Variants in GRIK3 observed in about 807,000 individuals in gnomAD.
GRIK3 encodes glutamate ionotropic receptor kainate type subunit 3, also known as glutamate receptor ionotropic, kainate 3.
A neutral mutation model predicts 102.5 loss-of-function variants in GRIK3; 29 were observed. The ratio of observed to expected loss-of-function variants is 0.28; its 90% CI spans 0.21 to 0.39. The LOEUF is 0.39. GRIK3 is among the 10% of genes least tolerant of loss of function. GRIK3 has a pLI of 1.00. For missense variants in GRIK3, 908 were observed against 1,252.4 expected (o/e 0.73, Z 4.15); for synonymous variants, 511 against 504.9 (o/e 1.01, Z -0.16).
chr1:36,815,841 C>T (rs897086822), intron 13 of GRIK3, among the ~76,000 whole-genome samples: 1 of 151,978 alleles, frequency 6.6e-6, no homozygotes, highest in African/African-American at 2.4e-5. Context: ...CTCACTGCAA[C>T]CTCTGCCTCC....
At chr1:36,951,410 G>T (rs1557437688) in intron 1 of GRIK3, among the ~76,000 whole-genome samples, 1 of 152,198 alleles carries the variant, frequency 6.6e-6, no homozygotes, top group Admixed American at 6.5e-5. Context: ...GGGGTCTTTT[G>T]TTTCTCCTTC....
intron 1 of GRIK3, among the ~76,000 whole-genome samples, chr1:37,020,744 A>G (rs1642701732): frequency 6.8e-6 from 1 of 146,600 alleles, no homozygotes. Flanking sequence ...CCAGAGTTCT[A>G]AAGGAATAGC....
chr1:36,796,276 G>A lies in GRIK3; in HGVS notation c.*5575C>T, dbSNP rs1642364073. Reference sequence around the variant, plus strand: ...AGGGACAGAGATCTGCAGCCTCCTGGGGAGGGGGCACTCTGCCAACTGCCC... The same window carrying A: ...AGGGACAGAGATCTGCAGCCTCCTGAGGAGGGGGCACTCTGCCAACTGCCC... On this transcript the variant is annotated 3_prime_UTR_variant, in exon 16 of 16. Coordinates refer to ENST00000373091, the MANE Select transcript of GRIK3 (RefSeq NM_000831.4). The A allele has an allele frequency of 6.6e-6, 1 of 152,436 alleles. No individual in the cohort carries two copies. The highest frequency in any genetic ancestry group is 2.4e-5 in the African/African-American group (1 of 41,462). The allele number at this position is 152,436 out of a possible 1,614,324, so 9.4% of individuals were successfully genotyped here.
At chr1:36,980,473 T>C (rs1642237819) in intron 1 of GRIK3, among the ~76,000 whole-genome samples, 1 of 151,652 alleles carries the variant, frequency 6.6e-6, no homozygotes, top group Admixed American at 6.6e-5. Context: ...GCCACTTGCC[T>C]CCTTGGCTAC....
At chr1:36,905,405 A>G (rs543380) in intron 1 of GRIK3, among the ~76,000 whole-genome samples, 8,223 of 152,064 alleles carry the variant, frequency 0.054, 476 homozygotes, top group African/African-American at 0.14. Flanking sequence ...AGTTCTTTCT[A>G]GAAAGTAAAA....
chr1:37,008,574 A>G (rs770793902), intron 1 of GRIK3, among the ~76,000 whole-genome samples: 4 of 152,212 alleles, frequency 2.6e-5, no homozygotes, highest in Non-Finnish European at 5.9e-5. Flanking sequence ...ACTTTGCCAC[A>G]TCTTCCTGGC....
rs200669770 is a variant in GRIK3, at chr1:36,890,930, C to T, written c.282G>A (p.Ala94=). The part of the protein sequence containing the change: ...QRIHFHDSFE[A]TKKACDQLAL... ...GAGCTGCACACTCACCCTTTTTGGT[C>T]GCCTCGAAGCTGTCATGGAAGTGAA... Residue 94 remains alanine, a synonymous_variant, in exon 2 of 16, where the codon GCG becomes GCA. Coordinates refer to ENST00000373091, the MANE Select transcript of GRIK3 (RefSeq NM_000831.4). The T allele has an allele frequency of 9.6e-5, 155 of 1,607,012 alleles. 2 individuals carry two copies. Among genetic ancestry groups the T allele is most frequent in the African/African-American group, 6.4e-4 (48 of 74,780 alleles).
intron 1 of GRIK3, among the ~76,000 whole-genome samples, chr1:36,900,130 A>G (rs930170560): frequency 1.3e-5 from 2 of 152,226 alleles, no homozygotes; most frequent in Non-Finnish European, 2.9e-5. Context: ...ACATTCAGCA[A>G]TATAGACCAC....
intron 1 of GRIK3, among the ~76,000 whole-genome samples, chr1:37,028,767 C>T (rs914349796): frequency 7.9e-5 from 12 of 152,290 alleles, no homozygotes; most frequent in African/African-American, 2.6e-4. Flanking sequence ...CCACTTCTAC[C>T]GCTCACTGGC....
At chr1:36,838,679 C>A (rs944755174) in intron 10 of GRIK3, among the ~76,000 whole-genome samples, 3 of 152,118 alleles carry the variant, frequency 2.0e-5, no homozygotes, top group Non-Finnish European at 4.4e-5. Context: ...CCAAATGGGC[C>A]CCGGGGGGTG....
chr1:36,989,097 C>A (rs536273726), intron 1 of GRIK3, among the ~76,000 whole-genome samples: 2 of 152,114 alleles, frequency 1.3e-5, no homozygotes, highest in African/African-American at 4.8e-5. Context: ...CACAGGCTCA[C>A]GCCCCACTCC....
Position 36,829,769 on chromosome 1 carries a change from C to G in GRIK3, c.1531-3943G>C, listed in dbSNP as rs151030623. On this transcript the variant is annotated intron_variant, in intron 10 of 15. Coordinates refer to ENST00000373091, the MANE Select transcript of GRIK3 (RefSeq NM_000831.4). ...TCTACCACACCCCCAGCTCCCCAAA[C>G]TGAAGGTAAGAACAATTTAACCTGC... Among the ~76,000 whole-genome samples, 49 of 152,290 alleles carry G rather than the reference C, an allele frequency of 3.2e-4. No individual in the cohort carries two copies. In the East Asian group the frequency reaches 9.5e-3, roughly 29 times the overall value.
intron 9 of GRIK3, among the ~76,000 whole-genome samples, chr1:36,844,689 A>G (rs1640500155): frequency 6.6e-6 from 1 of 152,184 alleles, no homozygotes; most frequent in African/African-American, 2.4e-5. Context: ...GGATAAAATG[A>G]GTCAGTCTAC....
In GRIK3 at chr1:36,880,534, C is replaced by A. The variant is rs1640960612; in HGVS notation, c.550+100G>T. The A allele has an allele frequency of 1.7e-6, 2 of 1,193,998 alleles. No homozygotes were observed. Among genetic ancestry groups the A allele is most frequent in the Admixed American group, 1.8e-5 (1 of 56,032 alleles). The allele number at this position is 1,193,998 out of a possible 1,614,324, so 74.0% of individuals were successfully genotyped here. A position where few individuals can be genotyped will look rare whatever the true frequency, so the allele number is the denominator to read the frequency against. On this transcript the variant is annotated intron_variant, in intron 3 of 15. Transcript: ENST00000373091. This position sits in a 1 kb window ranked among gnomAD's most constrained non-coding sequence, Gnocchi z 5.4. ...ACTGGGGTATGGAACACAGCCTCTT[C>A]CCCCAGGGCAGCTGTGCTGAACAAA...
At chr1:36,908,787 G>GTA (rs975010951) in intron 1 of GRIK3, among the ~76,000 whole-genome samples, 1 of 151,612 alleles carries the variant, frequency 6.6e-6, no homozygotes, top group Admixed American at 6.6e-5. Context: ...GGGTGTGTGT[G>GTA]TGTGTGTGTG....
chr1:36,971,594 G>C (rs1167970332), intron 1 of GRIK3, among the ~76,000 whole-genome samples: 1 of 152,192 alleles, frequency 6.6e-6, no homozygotes, highest in Non-Finnish European at 1.5e-5. Context: ...TCCACTTCCA[G>C]AGAGGGACAG....
chr1:36,972,961 G>C (rs1484526918), intron 1 of GRIK3, among the ~76,000 whole-genome samples: 1 of 152,162 alleles, frequency 6.6e-6, no homozygotes, highest in Non-Finnish European at 1.5e-5. Flanking sequence ...TCAGTTCTGA[G>C]CTTGTACTAG....
At chr1:36,927,740 T>C (rs1641543366) in intron 1 of GRIK3, among the ~76,000 whole-genome samples, 1 of 152,110 alleles carries the variant, frequency 6.6e-6, no homozygotes, top group Admixed American at 6.5e-5. Flanking sequence ...AGCTCCTTTG[T>C]GGTGGAGGAG....
chr1:36,816,605 T>G (rs1295412004), intron 13 of GRIK3, among the ~76,000 whole-genome samples: 1 of 152,178 alleles, frequency 6.6e-6, no homozygotes, highest in Non-Finnish European at 1.5e-5. Context: ...CTTGTTCAAG[T>G]TCTAAGCCTC....
Sources: gnomAD v4.1 joint callset for allele counts (sites outside exome capture counted in the v4.1 genomes callset) on GRCh38, gnomAD v4.1.1 for gene constraint, Gnocchi (gnomAD v3.1) non-coding constraint, MANE v1.5 for transcripts, NCBI Gene and HGNC (gene_info 2026-07-23, HGNC 2026-07-21) for gene names.